GRIA1: variants seen among roughly 807,000 people sequenced by gnomAD.
The protein encoded by GRIA1 is glutamate receptor 1.
Under a neutral mutation model 99.2 loss-of-function variants are expected in GRIA1, and 31 were observed. The ratio of observed to expected loss-of-function variants is 0.31; its 90% CI spans 0.23 to 0.42. The LOEUF is 0.42. GRIA1 is among the 10% of genes least tolerant of loss of function. The pLI, the probability that GRIA1 is intolerant of heterozygous loss-of-function variation, is 1.00. For missense variants in GRIA1, 782 were observed against 1,157.5 expected (o/e 0.68, Z 4.71); for synonymous variants, 438 against 432.4 (o/e 1.01, Z -0.16).
intron 11 of GRIA1, among the ~76,000 whole-genome samples, chr5:153,726,880 A>C (rs1406496577): frequency 6.6e-6 from 1 of 152,236 alleles, no homozygotes; most frequent in African/African-American, 2.4e-5. Context: ...TCCCTAACTC[A>C]TTTTATGAGG....
At chr5:153,590,287 C>T (rs1763850403) in intron 2 of GRIA1, among the ~76,000 whole-genome samples, 1 of 152,000 alleles carries the variant, frequency 6.6e-6, no homozygotes, top group Non-Finnish European at 1.5e-5. Context: ...TATGGCCAAG[C>T]TTTATTATAC....
intron 2 of GRIA1, among the ~76,000 whole-genome samples, chr5:153,556,057 C>T (rs1343458391): frequency 6.6e-6 from 1 of 152,164 alleles, no homozygotes; most frequent in African/African-American, 2.4e-5. Flanking sequence ...ACTTAGGTAT[C>T]ATTGTTTTTC....
chr5:153,688,374 A>C (rs1757488991), intron 8 of GRIA1, among the ~76,000 whole-genome samples: 1 of 152,202 alleles, frequency 6.6e-6, no homozygotes, highest in African/African-American at 2.4e-5. Context: ...AAATAGTCCA[A>C]GTCTGAGTTC....
At chr5:153,517,690 T>C (rs1561603924) in intron 2 of GRIA1, among the ~76,000 whole-genome samples, 2 of 152,230 alleles carry the variant, frequency 1.3e-5, no homozygotes, top group Non-Finnish European at 2.9e-5. Flanking sequence ...AAAATATATT[T>C]TGAATCCACA....
intron 15 of GRIA1, among the ~76,000 whole-genome samples, chr5:153,804,301 C>T (rs776014285): frequency 2.0e-5 from 3 of 152,186 alleles, no homozygotes; most frequent in Non-Finnish European, 2.9e-5. Context: ...AGACTCTAAA[C>T]CCAATGTAGA....
At chr5:153,534,082 G>A (rs1211101009) in intron 2 of GRIA1, among the ~76,000 whole-genome samples, 1 of 152,184 alleles carries the variant, frequency 6.6e-6, no homozygotes, top group African/African-American at 2.4e-5. Flanking sequence ...GGGCTATGCT[G>A]GTGCTTGCTA....
At chr5:153,787,572 C>T (rs1227045001) in intron 13 of GRIA1, among the ~76,000 whole-genome samples, 1 of 152,136 alleles carries the variant, frequency 6.6e-6, no homozygotes, top group African/African-American at 2.4e-5. Context: ...TTACTTTGCT[C>T]AGTGCCAAGC....
At chr5:153,557,983 A>G (rs967242762) in intron 2 of GRIA1, 3 of 152,236 alleles carry the variant, frequency 2.0e-5, no homozygotes, top group African/African-American at 7.2e-5. Flanking sequence ...TAAACCAGTT[A>G]CATAACTGCT....
chr5:153,525,527 A>G (rs1199702748), intron 2 of GRIA1: 1 of 152,160 alleles, frequency 6.6e-6, no homozygotes, highest in Non-Finnish European at 1.5e-5. Context: ...AAAATTAAAA[A>G]AAAAAACCAC....
rs1036578108 is a variant in GRIA1 at position 153,801,286 on chromosome 5, G to A, written c.2386-1070G>A. On this transcript the variant is annotated intron_variant, in intron 14 of 15. Transcript: ENST00000285900. ...CAGGGATGATCTCAGGAGACCAGTG[G>A]CCTTCCTCTGGCTCCACAGGGTGAG... Among the ~76,000 whole-genome samples the A allele has an allele frequency of 9.0e-5, 13 of 144,160 alleles. No individual in the cohort carries two copies. The East Asian group carries it at 2.6e-3, about 29-fold the overall frequency. 94.6% of individuals were successfully genotyped at this position (144,160 alleles called of 152,430 possible). A position where few individuals can be genotyped will look rare whatever the true frequency, so the allele number is the denominator to read the frequency against.
intron 11 of GRIA1, among the ~76,000 whole-genome samples, chr5:153,729,475 T>C (rs1047881015): frequency 2.6e-5 from 4 of 152,042 alleles, no homozygotes; most frequent in African/African-American, 7.2e-5. Context: ...CAGTTGAGTC[T>C]AAGGTATTAC....
chr5:153,512,462 A>C (rs1191085309), intron 2 of GRIA1, among the ~76,000 whole-genome samples: 1 of 152,168 alleles, frequency 6.6e-6, no homozygotes, highest in Non-Finnish European at 1.5e-5. Flanking sequence ...AAGGTACTGC[A>C]TTTTCTATGG....
chr5:153,696,161 G>A (rs1490025038), intron 8 of GRIA1, among the ~76,000 whole-genome samples: 2 of 152,086 alleles, frequency 1.3e-5, no homozygotes, highest in Non-Finnish European at 2.9e-5. Context: ...CTGTGGCCTT[G>A]GGAAAGTTAC....
chr5:153,667,530 GATGATCATAA>G (rs1487186056), intron 5 of GRIA1, among the ~76,000 whole-genome samples: 1 of 152,196 alleles, frequency 6.6e-6, no homozygotes, highest in Non-Finnish European at 1.5e-5. Context: ...TGGTGAATGT[GATGATCATAA>G]TAATAGCTAA....
At chr5:153,546,241 A>G (rs1270712531) in intron 2 of GRIA1, among the ~76,000 whole-genome samples, 1 of 152,218 alleles carries the variant, frequency 6.6e-6, no homozygotes, top group Admixed American at 6.5e-5. Context: ...AAGTCCCTTC[A>G]ATCTAGAGGA....
Position 153,811,320 on chromosome 5 carries a change from A to C in GRIA1, c.*95A>C. On this transcript the variant is annotated 3_prime_UTR_variant, in exon 16 of 16. Coordinates refer to ENST00000285900, the MANE Select transcript of GRIA1 (RefSeq NM_000827.4). ...CAAAAACAACAACAAAATGAAACGC[A>C]ACCACCACCAACCACTGCGACCACA... is the stretch of plus-strand genomic sequence containing the variant. The C allele has an allele frequency of 1.3e-6, 1 of 754,304 alleles. No individual in the cohort carries two copies. Among genetic ancestry groups the C allele is most frequent in the Admixed American group, 2.3e-5 (1 of 44,170 alleles). The allele number at this position is 754,304 out of a possible 1,614,324, so 46.7% of individuals were successfully genotyped here. A position where few individuals can be genotyped will look rare whatever the true frequency, so the allele number is the denominator to read the frequency against.
At chr5:153,716,694 G>A (rs914003483) in intron 11 of GRIA1, among the ~76,000 whole-genome samples, 28 of 152,170 alleles carry the variant, frequency 1.8e-4, no homozygotes, top group Admixed American at 3.9e-4. Context: ...GGAAGGGACT[G>A]TGGGACATTC....
chr5:153,506,134 G>T (rs1213903189), intron 2 of GRIA1, among the ~76,000 whole-genome samples: 1 of 152,172 alleles, frequency 6.6e-6, no homozygotes, highest in Non-Finnish European at 1.5e-5. Context: ...CAAGTCAAGG[G>T]CTGGCAGATC....
Position 153,600,887 on chromosome 5 carries a change from A to G in GRIA1, c.221-46041A>G, listed in dbSNP as rs1764892979. Among the ~76,000 whole-genome samples the G allele has an allele frequency of 2.0e-5, 3 of 152,232 alleles. No individual in the cohort carries two copies. The South Asian group carries it at 6.2e-4, about 31-fold the overall frequency. On this transcript the variant is annotated intron_variant, in intron 2 of 15. Transcript: ENST00000285900. ...TAACTGTAGCTTCAGCTGTCAGAGC[A>G]GCATCACATCTTGGGATCCCACCTG...
Sources: allele counts gnomAD v4.1 joint callset (sites outside exome capture counted in the v4.1 genomes callset), GRCh38; gene constraint gnomAD v4.1.1; transcripts MANE v1.5; gene names NCBI Gene and HGNC (gene_info 2026-07-23, HGNC 2026-07-21).